SCLT1: variants seen among roughly 807,000 people sequenced by gnomAD.
SCLT1 encodes the protein sodium channel and clathrin linker 1.
SCLT1 carries 78 observed loss-of-function variants against 112.8 expected under a neutral mutation model. The ratio of observed to expected loss-of-function variants is 0.69; its 90% confidence interval spans 0.58 to 0.83. The LOEUF (loss-of-function observed/expected upper bound fraction) is 0.83. Ranked by LOEUF, SCLT1 falls within the 40% of genes least tolerant of loss-of-function variation. The pLI is 0.00. For synonymous variants in SCLT1, 257 were observed against 254.7 expected (o/e 1.01, Z -0.09); for missense variants, 747 against 770.4 (o/e 0.97, Z 0.36).
intron 18 of SCLT1, among the ~76,000 whole-genome samples, chr4:128,895,060 C>G (rs1733632526): frequency 1.3e-5 from 2 of 152,128 alleles, no homozygotes; most frequent in Non-Finnish European, 1.5e-5. Context: ...TTTTTCATTC[C>G]TATTCAGTGT....
rs1157558380 is a variant in SCLT1, at chr4:128,888,783, G to A, written c.1909-9C>T. On this transcript the variant is annotated splice_polypyrimidine_tract_variant and intron_variant, in intron 19 of 20. Coordinates refer to ENST00000281142, the MANE Select transcript of SCLT1 (RefSeq NM_144643.4). ...AGAATTAGCTTTTCATTCTATTAAG[G>A]GGAAATAGAAAACAAGTTAGAAATC... 3 of 1,544,376 alleles carry A rather than the reference G, an allele frequency of 1.9e-6. No individual in the cohort carries two copies. Among genetic ancestry groups the A allele is most frequent in the South Asian group, 2.3e-5 (2 of 87,712 alleles).
At chr4:129,084,116 C>T (rs1231051862) in intron 1 of SCLT1, among the ~76,000 whole-genome samples, 2 of 152,120 alleles carry the variant, frequency 1.3e-5, no homozygotes, top group Non-Finnish European at 2.9e-5. Context: ...AAAACTTTCC[C>T]TTGAATTAGG....
intron 2 of SCLT1, among the ~76,000 whole-genome samples, chr4:129,058,592 A>G (rs1749666787): frequency 6.6e-6 from 1 of 152,138 alleles, no homozygotes; most frequent in East Asian, 1.9e-4. Context: ...AAATATTTTA[A>G]TCGTTTTAAT....
chr4:129,082,641 A>G (rs928705168), intron 1 of SCLT1, among the ~76,000 whole-genome samples: 1 of 152,220 alleles, frequency 6.6e-6, no homozygotes, highest in Non-Finnish European at 1.5e-5. Context: ...ATGAAATCTC[A>G]GTCTCTGCTG....
chr4:129,027,428 C>G (rs577156483), intron 5 of SCLT1, among the ~76,000 whole-genome samples: 2 of 152,076 alleles, frequency 1.3e-5, no homozygotes, highest in Admixed American at 6.5e-5. Context: ...ACAAAAACCA[C>G]ATGATTATGT....
At chr4:128,956,933 G>C in intron 13 of SCLT1, 93 bp downstream of exon 13, 1 of 681,730 alleles carries the variant, frequency 1.5e-6, no homozygotes, top group South Asian at 2.1e-5. Context: ...ATGTAGGCAA[G>C]TATTTTAATT....
chr4:129,057,153 G>A (rs1749477334), intron 2 of SCLT1, among the ~76,000 whole-genome samples: 1 of 152,110 alleles, frequency 6.6e-6, no homozygotes, highest in Non-Finnish European at 1.5e-5. Flanking sequence ...ACTTGTGTAT[G>A]TTGAACTATC....
chr4:128,977,294 GTTTT>G (rs1430420322), intron 9 of SCLT1, among the ~76,000 whole-genome samples: 1 of 152,064 alleles, frequency 6.6e-6, no homozygotes, highest in African/African-American at 2.4e-5. Flanking sequence ...TTTTTTGTTT[GTTTT>G]ATCTCTATTT....
intron 9 of SCLT1, among the ~76,000 whole-genome samples, chr4:128,973,589 C>T (rs1427156380): frequency 1.3e-5 from 2 of 151,996 alleles, no homozygotes; most frequent in African/African-American, 2.4e-5. Context: ...AGATCTTGCA[C>T]ACCCAATTTA....
intron 18 of SCLT1, among the ~76,000 whole-genome samples, chr4:128,896,918 G>T (rs1049817624): frequency 2.0e-5 from 3 of 152,298 alleles, no homozygotes; most frequent in Middle Eastern, 3.4e-3. Context: ...GGAAGAAAGG[G>T]TATCAGTGAT....
chr4:128,913,739 A>G (rs1426503953), intron 18 of SCLT1, among the ~76,000 whole-genome samples: 1 of 152,188 alleles, frequency 6.6e-6, no homozygotes, highest in Admixed American at 6.6e-5. Context: ...AAAAATACAT[A>G]CAGTGCCTAT....
At chr4:128,951,227 T>A (rs1290569304) in intron 14 of SCLT1, among the ~76,000 whole-genome samples, 2 of 152,128 alleles carry the variant, frequency 1.3e-5, no homozygotes, top group Admixed American at 1.3e-4. Flanking sequence ...GTAGCTTAGA[T>A]TTTTTGAGAA....
chr4:128,889,020 T>C (rs1733105886), intron 19 of SCLT1, among the ~76,000 whole-genome samples: 2 of 152,196 alleles, frequency 1.3e-5, no homozygotes, highest in African/African-American at 4.8e-5. Context: ...CAAAGCAAAA[T>C]GACTCGGAAG....
chr4:128,901,683 TA>T (rs922973961), intron 18 of SCLT1, among the ~76,000 whole-genome samples: 2 of 150,734 alleles, frequency 1.3e-5, no homozygotes, highest in African/African-American at 2.4e-5. Context: ...AAAAAAAAAT[TA>T]AAAAAAAAGA....
chr4:129,068,341 G>A (rs111958930), intron 2 of SCLT1, among the ~76,000 whole-genome samples: 16 of 152,282 alleles, frequency 1.1e-4, no homozygotes, highest in Admixed American at 3.9e-4. Context: ...CCTACCAGCA[G>A]TGTAGAAGTG....
intron 11 of SCLT1, among the ~76,000 whole-genome samples, chr4:128,964,197 A>G (rs1739981692): frequency 6.6e-6 from 1 of 152,212 alleles, no homozygotes; most frequent in East Asian, 1.9e-4. Flanking sequence ...GTGTAGGGAC[A>G]TTTGGTAGTT....
intron 3 of SCLT1, 96 bp downstream of exon 3, chr4:129,043,897 A>G: frequency 1.5e-6 from 1 of 676,368 alleles, no homozygotes; most frequent in South Asian, 1.8e-5. Flanking sequence ...TAAGTTTAAT[A>G]ACAGCAGACC....
chr4:128,970,575 C>T, intron 9 of SCLT1, 107 bp from the exon 10 acceptor site: 1 of 659,416 alleles, frequency 1.5e-6, no homozygotes, highest in Middle Eastern at 2.9e-4. Flanking sequence ...TCTTGTTTAT[C>T]TAAAATGGAT....
At chr4:129,023,182 C>T (rs937290049) in intron 5 of SCLT1, among the ~76,000 whole-genome samples, 3 of 152,296 alleles carry the variant, frequency 2.0e-5, no homozygotes, top group African/African-American at 7.2e-5. Flanking sequence ...GTACCAGCCA[C>T]TGCAAAAACA....
Sources: gnomAD v4.1 joint callset for allele counts (sites outside exome capture counted in the v4.1 genomes callset) on GRCh38, gnomAD v4.1.1 for gene constraint, MANE v1.5 for transcripts, NCBI Gene and HGNC (gene_info 2026-07-23, HGNC 2026-07-21) for gene names.